The following FBXO4 variants were observed in gnomAD, a reference collection of about 807,000 sequenced individuals.
FBXO4 encodes F-box protein 4, also known as F-box only protein 4.
A neutral mutation model predicts 43.7 loss-of-function variants in FBXO4; 36 were observed. The observed-to-expected ratio is 0.82, with a 90% CI of 0.63 to 1.09. FBXO4 has a LOEUF of 1.09. FBXO4 is among the 50% of genes least tolerant of loss of function. FBXO4 has a pLI of 0.00. For synonymous variants in FBXO4, 180 were observed against 165.6 expected, an observed-to-expected ratio of 1.09 and a Z score of -0.67; for missense variants, 435 against 474.1, an observed-to-expected ratio of 0.92 and a Z score of 0.77.
At chr5:41,934,087 C>G in intron 4 of FBXO4, 46 bp from the exon 5 acceptor site, 1 of 1,611,090 alleles carries the variant, frequency 6.2e-7, no homozygotes, top group Non-Finnish European at 8.5e-7. Context: ...TGAGTGGAGC[C>G]TGTTTAGTGT....
chr5:41,930,522 C>A (rs1751653860), intron 3 of FBXO4, among the ~76,000 whole-genome samples: 1 of 152,104 alleles, frequency 6.6e-6, no homozygotes, highest in Non-Finnish European at 1.5e-5. Context: ...TATTTAGTTC[C>A]TGGGTAGAAA....
In FBXO4 at chr5:41,927,071, G is replaced by C; in HGVS notation, c.248G>C (p.Gly83Ala). ...FLSPHDLCQLGSTNHYWNETV... is the reference protein window; with the variant it reads ...FLSPHDLCQLASTNHYWNETV... The stretch of plus-strand genomic sequence containing the variant: ...TCACCTCATGATCTGTGTCAGTTGG[G>C]AAGTACAAATCATTATTGGAATGAA... The change falls in exon 2 of 7, where the codon GGA (glycine) becomes GCA (alanine). Residue 83 changes from glycine to alanine, a missense_variant. Gly to Ala is a moderately conservative substitution (Grantham distance 60). Coordinates refer to ENST00000281623, the MANE Select transcript of FBXO4 (RefSeq NM_012176.3). 1 of 1,613,800 alleles carries C rather than the reference G, an allele frequency of 6.2e-7. No individual in the cohort carries two copies. The highest frequency in any genetic ancestry group is 8.5e-7 in the Non-Finnish European group (1 of 1,179,876).
intron 2 of FBXO4, among the ~76,000 whole-genome samples, chr5:41,928,083 T>A (rs1463786740): frequency 1.3e-5 from 2 of 152,180 alleles, no homozygotes; most frequent in Non-Finnish European, 2.9e-5. Flanking sequence ...TTCCTTATTC[T>A]AATACAGATG....
chr5:41,989,291 CTGTG>C, the FBXO4 span, among the ~76,000 whole-genome samples: 130 of 152,184 alleles, frequency 8.5e-4, no homozygotes, highest in African/African-American at 2.9e-3. Context: ...TGACTAATTT[CTGTG>C]TAAGTAAACA....
the FBXO4 span, among the ~76,000 whole-genome samples, chr5:41,996,589 C>T: frequency 6.6e-6 from 1 of 152,204 alleles, no homozygotes; most frequent in Non-Finnish European, 1.5e-5. Context: ...GAGCCTTCTC[C>T]TGTTTTGGAC....
intron 3 of FBXO4, among the ~76,000 whole-genome samples, chr5:41,930,670 C>CTTTTTTTT (rs555192662): frequency 7.1e-6 from 1 of 141,786 alleles, no homozygotes. Context: ...TTCTTTCTTT[C>CTTTTTTTT]TTTTTTTTTT....
At chr5:42,037,479 A>T in the FBXO4 span, among the ~76,000 whole-genome samples, 1 of 152,092 alleles carries the variant, frequency 6.6e-6, no homozygotes, top group Non-Finnish European at 1.5e-5. Context: ...AAACAAAAAT[A>T]AATTAAGCTT....
chr5:41,936,509 G>C (rs1246673138), intron 5 of FBXO4, among the ~76,000 whole-genome samples: 1 of 152,060 alleles, frequency 6.6e-6, no homozygotes, highest in East Asian at 1.9e-4. Context: ...CTCCAGCCTG[G>C]GTGACAGAGC....
At chr5:41,968,532 A>AG in the FBXO4 span, among the ~76,000 whole-genome samples, 1 of 152,230 alleles carries the variant, frequency 6.6e-6, no homozygotes, top group East Asian at 1.9e-4. Context: ...GTCTCCCAGC[A>AG]GGGGGCAACA....
the FBXO4 span, among the ~76,000 whole-genome samples, chr5:41,990,757 T>TA: frequency 6.6e-5 from 10 of 152,000 alleles, no homozygotes; most frequent in African/African-American, 2.2e-4. Context: ...AAAGCAAAAA[T>TA]AAAAAAATGT....
the FBXO4 span, among the ~76,000 whole-genome samples, chr5:41,999,547 A>ATATATACATATATATATACATATATATG: frequency 2.5e-5 from 2 of 81,300 alleles, no homozygotes; most frequent in Non-Finnish European, 2.5e-5. Flanking sequence ...ATATATATGT[A>ATATATACATATATATATACATATATATG]TATATATATA....
chr5:41,939,609 C>A lies in FBXO4; in HGVS notation c.1067C>A (p.Pro356Gln). Residue 356 changes from proline to glutamine, a missense_variant, in exon 6 of 7, where the codon CCA becomes CAA. By Grantham distance (76) the Pro-to-Gln change is moderately conservative (BLOSUM62 -1). Transcript: ENST00000281623. ...HELHLNLLNH[P>Q]WLVQDTEAET... ...CTGCATCTGAATCTTCTAAATCACC[C>A]ATGGCTGGTAAGATCATTTATACTC... is the stretch of plus-strand genomic sequence containing the variant. 1 of 1,611,550 alleles carries A rather than the reference C, an allele frequency of 6.2e-7. No homozygotes were observed. Among genetic ancestry groups the A allele is most frequent in the Non-Finnish European group, 8.5e-7 (1 of 1,178,706 alleles).
the FBXO4 span, among the ~76,000 whole-genome samples, chr5:41,988,223 A>G: frequency 6.6e-6 from 1 of 152,016 alleles, no homozygotes; most frequent in African/African-American, 2.4e-5. Flanking sequence ...TTCCCCAACC[A>G]CTTTGTGTGG....
the FBXO4 span, among the ~76,000 whole-genome samples, chr5:41,974,746 A>G: frequency 6.6e-6 from 1 of 152,172 alleles, no homozygotes; most frequent in East Asian, 1.9e-4. Flanking sequence ...CAACATCTGC[A>G]TCATATCTGA....
At chr5:42,010,225 T>A in the FBXO4 span, among the ~76,000 whole-genome samples, 1 of 152,072 alleles carries the variant, frequency 6.6e-6, no homozygotes, top group Non-Finnish European at 1.5e-5. Flanking sequence ...TCTGGGCAGG[T>A]GCGGTGGCTC....
intron 3 of FBXO4, 102 bp from the exon 4 acceptor site, chr5:41,933,844 A>AT: frequency 2.4e-6 from 2 of 850,786 alleles, no homozygotes; most frequent in Non-Finnish European, 3.7e-6. Flanking sequence ...TTGTTATAGA[A>AT]TTTTTTCTTT....
chr5:41,987,456 G>A, the FBXO4 span, among the ~76,000 whole-genome samples: 2 of 152,074 alleles, frequency 1.3e-5, no homozygotes, highest in Non-Finnish European at 2.9e-5. Flanking sequence ...AAATTTCTAA[G>A]TTCAGTTTAG....
At chr5:41,984,915 T>C in the FBXO4 span, among the ~76,000 whole-genome samples, 1 of 152,186 alleles carries the variant, frequency 6.6e-6, no homozygotes, top group Non-Finnish European at 1.5e-5. Flanking sequence ...GTATTAGGTA[T>C]TTTTCCTTCT....
At chr5:41,952,902 G>T in the FBXO4 span, among the ~76,000 whole-genome samples, 1 of 151,764 alleles carries the variant, frequency 6.6e-6, no homozygotes, top group South Asian at 2.1e-4. Context: ...CTCTGCTAAA[G>T]TTTTTCCTCT....
Sources: gnomAD v4.1 joint callset for allele counts (sites outside exome capture counted in the v4.1 genomes callset) on GRCh38, gnomAD v4.1.1 for gene constraint, MANE v1.5 for transcripts, NCBI Gene and HGNC (gene_info 2026-07-23, HGNC 2026-07-21) for gene names.